TBC1D4: variants seen among roughly 807,000 people sequenced by gnomAD.
TBC1D4 encodes TBC (Tre-2, BUB2, CDC16) domain-containing protein.
Under a neutral mutation model 142.5 loss-of-function variants are expected in TBC1D4, and 121 were observed. The ratio of observed to expected loss-of-function variants is 0.85; its 90% CI spans 0.73 to 0.99. TBC1D4 has a LOEUF of 0.99. Among genes scored for constraint, TBC1D4 ranks in the 50% least tolerant of loss-of-function variants. TBC1D4 has a pLI of 0.00. For synonymous variants in TBC1D4, 630 were observed against 628.2 expected, an observed-to-expected ratio of 1.00 and a Z score of -0.04; for missense variants, 1,475 against 1,606.6, an observed-to-expected ratio of 0.92 and a Z score of 1.40.
chr13:75,390,227 C>T (rs894445659), intron 1 of TBC1D4, among the ~76,000 whole-genome samples: 3 of 141,692 alleles, frequency 2.1e-5, no homozygotes, highest in East Asian at 2.1e-4. Flanking sequence ...TTGCAGTGAG[C>T]CAAGATCGCG....
intron 1 of TBC1D4, among the ~76,000 whole-genome samples, chr13:75,443,658 C>G (rs960831488): frequency 3.3e-5 from 5 of 152,212 alleles, no homozygotes; most frequent in Admixed American, 6.5e-5. Context: ...TCCAAACTAA[C>G]AGGGAGGCTT....
chr13:75,295,403 A>C (rs1368384915), intron 17 of TBC1D4, among the ~76,000 whole-genome samples: 2 of 152,202 alleles, frequency 1.3e-5, no homozygotes, highest in Non-Finnish European at 2.9e-5. Flanking sequence ...ATTCTAAAGA[A>C]TCTACCATGT....
chr13:75,459,338 C>T (rs1471904914), intron 1 of TBC1D4, among the ~76,000 whole-genome samples: 1 of 152,164 alleles, frequency 6.6e-6, no homozygotes, highest in Non-Finnish European at 1.5e-5. Flanking sequence ...TAATACCTAA[C>T]CTTTATCTTC....
At chr13:75,343,503 G>GTTTATTTTATTTTAT (rs551919027) in intron 5 of TBC1D4, among the ~76,000 whole-genome samples, 167 of 152,076 alleles carry the variant, frequency 1.1e-3, no homozygotes, top group African/African-American at 3.6e-3. Context: ...CACTATCACA[G>GTTTATTTTATTTTAT]TTTATTTTAT....
At chr13:75,319,963 G>A (rs377071903) in intron 12 of TBC1D4, 51 bp downstream of exon 12, 39 of 1,589,286 alleles carry the variant, frequency 2.5e-5, no homozygotes, top group Non-Finnish European at 3.3e-5. Context: ...ATGTTCAGTT[G>A]GAAGAATCTG....
chr13:75,380,743 A>T (rs1367310477), intron 1 of TBC1D4, among the ~76,000 whole-genome samples: 1 of 152,150 alleles, frequency 6.6e-6, no homozygotes, highest in East Asian at 1.9e-4. Flanking sequence ...GGGAGTCCTG[A>T]CAAAGCTAGC....
intron 1 of TBC1D4, among the ~76,000 whole-genome samples, chr13:75,431,030 T>C (rs563320682): frequency 2.6e-4 from 40 of 152,272 alleles, no homozygotes; most frequent in African/African-American, 9.6e-4. Flanking sequence ...TGAACACTCC[T>C]GGCAAGCTTA....
intron 15 of TBC1D4, 60 bp from the exon 16 acceptor site, chr13:75,302,461 C>A: frequency 6.3e-7 from 1 of 1,598,718 alleles, no homozygotes; most frequent in Middle Eastern, 1.7e-4. Flanking sequence ...TGATAGATCC[C>A]AGCTGATTCA....
chr13:75,291,951 C>G (rs1875352909), intron 19 of TBC1D4, 151 bp downstream of exon 19: 1 of 686,130 alleles, frequency 1.5e-6, no homozygotes, highest in East Asian at 2.8e-5. Context: ...GAAAATGTCA[C>G]AGTGTAGAAA....
intron 12 of TBC1D4, among the ~76,000 whole-genome samples, chr13:75,319,813 G>A (rs1325173640): frequency 1.3e-5 from 2 of 152,160 alleles, no homozygotes; most frequent in African/African-American, 2.4e-5. Context: ...ATTTCTGTCT[G>A]CAATCAACAT....
At chr13:75,343,013 AAAGT>A (rs1261181999) in intron 5 of TBC1D4, among the ~76,000 whole-genome samples, 1 of 152,180 alleles carries the variant, frequency 6.6e-6, no homozygotes, top group African/African-American at 2.4e-5. Flanking sequence ...AGAATAAGAC[AAAGT>A]AATTGGCCGA....
intron 1 of TBC1D4, among the ~76,000 whole-genome samples, chr13:75,392,939 C>CT (rs1379441093): frequency 6.6e-6 from 1 of 152,050 alleles, no homozygotes; most frequent in Non-Finnish European, 1.5e-5. Context: ...TGTACCTAGC[C>CT]TTTTTTCTCT....
intron 1 of TBC1D4, among the ~76,000 whole-genome samples, chr13:75,383,606 T>C (rs2138266473): frequency 6.6e-6 from 1 of 152,354 alleles, no homozygotes; most frequent in East Asian, 1.9e-4. Context: ...TAATTTTTAT[T>C]ACAGTATATT....
intron 1 of TBC1D4, among the ~76,000 whole-genome samples, chr13:75,471,108 T>TTAAGACAG (rs1888380787): frequency 6.6e-6 from 1 of 151,948 alleles, no homozygotes; most frequent in African/African-American, 2.4e-5. Context: ...CAGATTTAAT[T>TTAAGACAG]ATGTCATGTT....
intron 13 of TBC1D4, 124 bp downstream of exon 13, chr13:75,312,614 A>G (rs1877885856): frequency 1.6e-6 from 2 of 1,287,430 alleles, no homozygotes; most frequent in South Asian, 1.2e-5. Flanking sequence ...AAACCACTGT[A>G]TCACATACAG....
chr13:75,377,701 A>T (rs886200396), intron 1 of TBC1D4, among the ~76,000 whole-genome samples: 4 of 137,824 alleles, frequency 2.9e-5, no homozygotes, highest in South Asian at 2.2e-4. Context: ...TTAAATATAT[A>T]TTATATATAT....
intron 1 of TBC1D4, among the ~76,000 whole-genome samples, chr13:75,459,318 A>T (rs760959724): frequency 1.3e-5 from 2 of 152,152 alleles, no homozygotes; most frequent in Non-Finnish European, 2.9e-5. Flanking sequence ...CTGTTGACAT[A>T]TTCCTTGCCT....
chr13:75,289,817 C>G (rs1431822), intron 19 of TBC1D4, among the ~76,000 whole-genome samples: 44,737 of 152,026 alleles, frequency 0.29, 7,740 homozygotes, highest in African/African-American at 0.48. Context: ...AGGACAGTTA[C>G]TCCAAACTTC....
rs1389001777 is a variant in TBC1D4 at position 75,312,694 on chromosome 13, C to T, written c.2383+44G>A. On this transcript the variant is annotated intron_variant, in intron 13 of 20. Coordinates refer to ENST00000377636, the MANE Select transcript of TBC1D4 (RefSeq NM_014832.5). ...GCACGTGCATTCCATTAGCTAATTT[C>T]TGACACTCAGAGGGATAAATTCCTT... is the stretch of plus-strand genomic sequence containing the variant. The T allele has an allele frequency of 1.9e-6, 3 of 1,613,348 alleles. No individual in the cohort carries two copies. In the South Asian group the frequency reaches 3.3e-5, roughly 18 times the overall value.
Sources: allele counts gnomAD v4.1 joint callset (sites outside exome capture counted in the v4.1 genomes callset), GRCh38; gene constraint gnomAD v4.1.1; transcripts MANE v1.5; gene names NCBI Gene and HGNC (gene_info 2026-07-23, HGNC 2026-07-21).